CDCA2: variants seen among roughly 807,000 people sequenced by gnomAD.
CDCA2 encodes the protein cell division cycle associated 2, also known as cell division cycle-associated protein 2.
In CDCA2, 44 loss-of-function variants were observed where a neutral mutation model predicts 67.0. The ratio of observed to expected loss-of-function variants is 0.66; its 90% CI spans 0.52 to 0.84. CDCA2 has a LOEUF of 0.84. CDCA2 is among the 40% of genes least tolerant of loss of function. The pLI is 0.00. For synonymous variants in CDCA2, 447 were observed against 418.7 expected, an observed-to-expected ratio of 1.07 and a Z score of -0.82; for missense variants, 1,253 against 1,203.2, an observed-to-expected ratio of 1.04 and a Z score of -0.61.
At chr8:25,464,109 T>G (rs952177041) in intron 4 of CDCA2, among the ~76,000 whole-genome samples, 1 of 152,212 alleles carries the variant, frequency 6.6e-6, no homozygotes. Context: ...TTTTCAGAAT[T>G]TCACTCTAAA....
chr8:25,461,897 A>G (rs1303808644), intron 3 of CDCA2, among the ~76,000 whole-genome samples, 157 bp from the exon 4 acceptor site: 2 of 152,190 alleles, frequency 1.3e-5, no homozygotes, highest in Non-Finnish European at 2.9e-5. Context: ...TCTTCCACTG[A>G]TTGTATATGA....
intron 7 of CDCA2, among the ~76,000 whole-genome samples, chr8:25,472,509 C>A (rs1803197487): frequency 6.6e-6 from 1 of 152,266 alleles, no homozygotes; most frequent in African/African-American, 2.4e-5. Context: ...CCTTGGCCTC[C>A]CAAAGTGCTG....
intron 4 of CDCA2, among the ~76,000 whole-genome samples, chr8:25,464,033 G>A (rs575621002): frequency 6.6e-6 from 1 of 152,266 alleles, no homozygotes; most frequent in East Asian, 1.9e-4. Flanking sequence ...CACTTTTAGG[G>A]ACTCAGCCAC....
chr8:25,504,484 T>C (rs141238482), intron 14 of CDCA2, among the ~76,000 whole-genome samples: 3 of 152,260 alleles, frequency 2.0e-5, no homozygotes, highest in Middle Eastern at 3.4e-3. Context: ...GAATCATTTT[T>C]CAAATGGCTA....
At chr8:25,465,032 G>C (rs770957738) in intron 4 of CDCA2, among the ~76,000 whole-genome samples, 20 of 152,128 alleles carry the variant, frequency 1.3e-4, no homozygotes, top group Non-Finnish European at 5.9e-5. Context: ...GAAGTACAGT[G>C]GCATGATCTC....
rs759271462 is a variant in CDCA2 at position 25,507,398 on chromosome 8, C to G, written c.2732C>G (p.Pro911Arg). The change falls in exon 15 of 15, where the codon CCA (proline) becomes CGA (arginine). Residue 911 changes from proline to arginine, a missense_variant. Coordinates refer to ENST00000330560, the MANE Select transcript of CDCA2 (RefSeq NM_152562.4). Reference protein sequence around the residue: ...ENEGLVWISLPLPSTSQKAKR... With the variant: ...ENEGLVWISLRLPSTSQKAKR... ...GAAGGTCTTGTATGGATTTCACTTC[C>G]ACTTCCTTCCACTTCCCAAAAAGCC... 2 of 1,613,744 alleles carry G rather than the reference C, an allele frequency of 1.2e-6. No individual in the cohort carries two copies. The highest frequency in any genetic ancestry group is 3.3e-5 in the Admixed American group (2 of 59,956).
At position 25,484,025 on chromosome 8, in the gene CDCA2, A is replaced by G. The variant is rs766946831; in HGVS notation, c.1180A>G (p.Thr394Ala). The G allele has an allele frequency of 6.2e-7, 1 of 1,614,196 alleles. No individual in the cohort carries two copies. The highest frequency in any genetic ancestry group is 1.7e-5 in the Admixed American group (1 of 60,016). Residue 394 changes from threonine to alanine, a missense_variant, in exon 10 of 15, where the codon ACT becomes GCT. By Grantham distance (58) the Thr-to-Ala change is moderately conservative. Transcript: ENST00000330560. ...FLNMRKRKRV[T>A]FGEDLSPEVF... ...AAATATGAGGAAGAGGAAGAGAGTTACTTTTGGAGAGGACTTAAGCCCGGA... is the reference window on the plus strand; with the variant it reads ...AAATATGAGGAAGAGGAAGAGAGTTGCTTTTGGAGAGGACTTAAGCCCGGA...
intron 12 of CDCA2, 37 bp from the exon 13 acceptor site, chr8:25,488,515 G>A: frequency 6.5e-7 from 1 of 1,542,900 alleles, no homozygotes; most frequent in South Asian, 1.3e-5. Flanking sequence ...GTAATTGCTT[G>A]TGCTTTACGG....
Position 25,480,059 on chromosome 8 carries a change from AAG to A in CDCA2, c.969_970del (p.Lys323AsnfsTer14). The A allele has an allele frequency of 2.5e-6, 4 of 1,614,144 alleles. No individual in the cohort carries two copies. The highest frequency in any genetic ancestry group is 3.4e-6 in the Non-Finnish European group (4 of 1,180,038). Reference sequence around the variant, plus strand: ...CTGCAGGAGGGACCTTCCCACCCCCAAGACCTTTGTACTTCGTTCTGTACTGA... The same window carrying A: ...CTGCAGGAGGGACCTTCCCACCCCCAACCTTTGTACTTCGTTCTGTACTGA... ...PACRRDLPTP[K>X]TFVLRSVLKK... On this transcript the variant is annotated frameshift_variant, in exon 8 of 15. Coordinates refer to ENST00000330560, the MANE Select transcript of CDCA2 (RefSeq NM_152562.4). LOFTEE classifies it high-confidence loss of function.
Position 25,503,559 on chromosome 8 carries a change from T to C in CDCA2, c.1843+15T>C, listed in dbSNP as rs375092385. The C allele has an allele frequency of 2.3e-5, 37 of 1,578,568 alleles. No homozygotes were observed. The African/African-American group carries it at 4.8e-4, about 21-fold the overall frequency. ...ACTGGGTTCAGGTATCCTGACATTT[T>C]CCTGGTAGTTATATTTTATCTTTTC... On this transcript the variant is annotated intron_variant, in intron 14 of 14. Coordinates refer to ENST00000330560, the MANE Select transcript of CDCA2 (RefSeq NM_152562.4).
rs538378214 is a variant in CDCA2, at chr8:25,466,814, G to A, written c.538+489G>A. Among the ~76,000 whole-genome samples the A allele has an allele frequency of 3.6e-3, 546 of 151,904 alleles. 7 individuals carry two copies. Among genetic ancestry groups the A allele is most frequent in the African/African-American group, 0.012 (511 of 41,434 alleles). On this transcript the variant is annotated intron_variant, in intron 5 of 14. Coordinates refer to ENST00000330560, the MANE Select transcript of CDCA2 (RefSeq NM_152562.4). ...TTCCAGCACTTTGGGAGGCTGAGAC[G>A]GGAGGATCACTTGAGGTCAGGAGTT...
In CDCA2 at chr8:25,469,934, A is replaced by C; in HGVS notation, c.774A>C (p.Leu258Phe). 3 of 1,611,956 alleles carry C rather than the reference A, an allele frequency of 1.9e-6. No homozygotes were observed. The highest frequency in any genetic ancestry group is 2.5e-6 in the Non-Finnish European group (3 of 1,178,808). ...SKLGSTQSGF[L>F]VEESLPLSEL... ...TTGGTTCAACACAGTCTGGATTTTT[A>C]GTTGAAGAGTCTCTTCCCCTTTCAG... Residue 258 changes from leucine to phenylalanine, a missense_variant, in exon 7 of 15, where the codon TTA (leucine) becomes TTC (phenylalanine). Physicochemically the swap from Leu to Phe is conservative, Grantham distance 22. Coordinates refer to ENST00000330560, the MANE Select transcript of CDCA2 (RefSeq NM_152562.4).
chr8:25,506,484 A>G, intron 14 of CDCA2, 26 bp from the exon 15 acceptor site: 1 of 1,515,928 alleles, frequency 6.6e-7, no homozygotes, highest in Non-Finnish European at 8.8e-7. Context: ...TTTTAATTAG[A>G]TTTAAACCTA....
chr8:25,495,762 A>C (rs1804197925), intron 13 of CDCA2, among the ~76,000 whole-genome samples: 1 of 152,202 alleles, frequency 6.6e-6, no homozygotes, highest in African/African-American at 2.4e-5. Flanking sequence ...AACTGCAAAG[A>C]AATTATAAAC....
chr8:25,463,480 A>T (rs1802780657), intron 4 of CDCA2, among the ~76,000 whole-genome samples: 1 of 152,196 alleles, frequency 6.6e-6, no homozygotes, highest in Admixed American at 6.5e-5. Flanking sequence ...CTTGTATTAA[A>T]ATCTAGCACA....
rs756580789 is a variant in CDCA2 at position 25,487,470 on chromosome 8, C to T, written c.1533+136C>T. 41 of 616,002 alleles carry T rather than the reference C, an allele frequency of 6.7e-5. No homozygotes were observed. The East Asian group carries it at 9.5e-4, about 14-fold the overall frequency. The allele number at this position is 616,002 out of a possible 1,614,324, so 38.2% of individuals were successfully genotyped here. A position where few individuals can be genotyped will look rare whatever the true frequency, so the allele number is the denominator to read the frequency against. ...AAGAATTAATACTTTGGCCAGGCAC[C>T]GTGGTTCACGCCTGTAATCCCAATG... On this transcript the variant is annotated intron_variant, in intron 12 of 14. Coordinates refer to ENST00000330560, the MANE Select transcript of CDCA2 (RefSeq NM_152562.4).
Position 25,506,753 on chromosome 8 carries a change from A to T in CDCA2, c.2087A>T (p.Asn696Ile). The change falls in exon 15 of 15, where the codon AAT (asparagine) becomes ATT (isoleucine). Residue 696 changes from asparagine to isoleucine, a missense_variant. Asn to Ile is a moderately radical substitution (Grantham distance 149). Coordinates refer to ENST00000330560, the MANE Select transcript of CDCA2 (RefSeq NM_152562.4). Reference sequence around the variant, plus strand: ...AATAAAAATATTCCAAAAGCAAAAAATAAGTCAGAAAGTGAAAATGAACCA... The same window carrying T: ...AATAAAAATATTCCAAAAGCAAAAATTAAGTCAGAAAGTGAAAATGAACCA... ...NENKNIPKAK[N>I]KSESENEPKA... 6.2e-7 allele frequency: 1 copy of T among 1,613,394 alleles called. No homozygotes were observed.
intron 13 of CDCA2, among the ~76,000 whole-genome samples, chr8:25,491,101 A>G (rs970907668): frequency 2.6e-5 from 4 of 152,210 alleles, no homozygotes; most frequent in African/African-American, 9.6e-5. Context: ...AGGAATTGCA[A>G]AAACATAAAA....
intron 13 of CDCA2, among the ~76,000 whole-genome samples, chr8:25,494,314 TAAAA>T (rs944156352): frequency 6.8e-6 from 1 of 147,132 alleles, no homozygotes; most frequent in Admixed American, 6.8e-5. Flanking sequence ...ATATATTACT[TAAAA>T]AAAAAAATTC....
Sources: gnomAD v4.1 joint callset for allele counts (sites outside exome capture counted in the v4.1 genomes callset) on GRCh38, gnomAD v4.1.1 for gene constraint, MANE v1.5 for transcripts, NCBI Gene and HGNC (gene_info 2026-07-23, HGNC 2026-07-21) for gene names.